RAB22A: variants seen among roughly 807,000 people sequenced by gnomAD.
RAB22A encodes the protein ras-related protein Rab-22A.
Under a neutral mutation model 30.2 loss-of-function variants are expected in RAB22A, and 13 were observed. That is an observed-to-expected ratio of 0.43 (90% CI 0.28 to 0.68). The LOEUF (loss-of-function observed/expected upper bound fraction) is 0.68. RAB22A is among the 30% of genes least tolerant of loss of function. The pLI, the probability that RAB22A is intolerant of heterozygous loss-of-function variation, is 0.18. For synonymous variants in RAB22A, 89 were observed against 87.2 expected (o/e 1.02, Z -0.11); for missense variants, 177 against 246.8 (o/e 0.72, Z 1.89).
Position 58,359,861 on chromosome 20 carries a change from T to A in RAB22A, c.*158T>A, listed in dbSNP as rs1362453621. On this transcript the variant is annotated 3_prime_UTR_variant, in exon 7 of 7. Transcript: ENST00000244040. ...TGGACCAGTTCTGTTCTCCAAAGAC[T>A]GCAGCAATGATATTTCAGTCTGTGA... 3 of 517,164 alleles carry A rather than the reference T, an allele frequency of 5.8e-6. No individual in the cohort carries two copies. Among genetic ancestry groups the A allele is most frequent in the African/African-American group, 2.0e-5 (1 of 51,178 alleles). 32.0% of individuals were successfully genotyped at this position (517,164 alleles called of 1,614,324 possible).
At position 58,333,895 on chromosome 20, in the gene RAB22A, A is replaced by T. The variant is rs1177581799; in HGVS notation, c.117-9823A>T. On this transcript the variant is annotated intron_variant, in intron 2 of 6. Transcript: ENST00000244040. ...GGCATAGCGAGACCCTGTCTCTACA[A>T]GAGAATGAAAAAATTAGCTGGATTT... Among the ~76,000 whole-genome samples, 8 of 152,198 alleles carry T rather than the reference A, an allele frequency of 5.3e-5. No homozygotes were observed. In the East Asian group the frequency reaches 1.5e-3, roughly 29 times the overall value.
chr20:58,332,734 A>G (rs1423591841), intron 2 of RAB22A, among the ~76,000 whole-genome samples: 1 of 152,168 alleles, frequency 6.6e-6, no homozygotes, highest in Admixed American at 6.5e-5. Context: ...GAAGTGATCA[A>G]TGTATAAATC....
rs912907064 is a variant in RAB22A at position 58,366,332 on chromosome 20, G to A, written c.*6629G>A. The A allele has an allele frequency of 6.6e-6, 1 of 152,168 alleles. No individual in the cohort carries two copies. The highest frequency in any genetic ancestry group is 1.5e-5 in the Non-Finnish European group (1 of 68,040). 9.4% of individuals were successfully genotyped at this position (152,168 alleles called of 1,614,324 possible). A position where few individuals can be genotyped will look rare whatever the true frequency, so the allele number is the denominator to read the frequency against. ...CACAGTCAGAAATGCGCAGGCCTGGGGTTGGGGATGAACAGAAGTTGATTA... is the reference window on the plus strand; with the variant it reads ...CACAGTCAGAAATGCGCAGGCCTGGAGTTGGGGATGAACAGAAGTTGATTA... On this transcript the variant is annotated 3_prime_UTR_variant, in exon 7 of 7. Coordinates refer to ENST00000244040, the MANE Select transcript of RAB22A (RefSeq NM_020673.3).
At chr20:58,330,870 T>A (rs565729842) in intron 2 of RAB22A, among the ~76,000 whole-genome samples, 2 of 152,352 alleles carry the variant, frequency 1.3e-5, no homozygotes, top group East Asian at 3.9e-4. Flanking sequence ...TCCATTGGAC[T>A]CCTTGGCATC....
Position 58,311,105 on chromosome 20 carries a change from C to T in RAB22A, c.99C>T (p.Asn33=), listed in dbSNP as rs1986216980. 3 of 1,595,108 alleles carry T rather than the reference C, an allele frequency of 1.9e-6. No individual in the cohort carries two copies. Among genetic ancestry groups the T allele is most frequent in the African/African-American group, 1.3e-5 (1 of 74,482 alleles). ...TTGTGGAAGACAGTTTTGATCCAAA[C>T]ATCAACCCAACAATAGGGTAAGAGA... ...WRFVEDSFDP[N]INPTIGASFM... Residue 33 remains asparagine, a synonymous_variant, in exon 2 of 7, where the codon AAC becomes AAT. Transcript: ENST00000244040.
chr20:58,335,947 C>A (rs1050720894), intron 2 of RAB22A, among the ~76,000 whole-genome samples: 1 of 152,124 alleles, frequency 6.6e-6, no homozygotes, highest in Non-Finnish European at 1.5e-5. Flanking sequence ...CTATCTTTGT[C>A]CAGGATCATT....
At chr20:58,346,656 T>C (rs1279971168) in intron 3 of RAB22A, among the ~76,000 whole-genome samples, 1 of 152,238 alleles carries the variant, frequency 6.6e-6, no homozygotes, top group African/African-American at 2.4e-5. Flanking sequence ...TAGATACCTG[T>C]CTACCTACCT....
chr20:58,341,256 A>G (rs929051763), intron 2 of RAB22A, among the ~76,000 whole-genome samples: 2 of 152,010 alleles, frequency 1.3e-5, no homozygotes, highest in South Asian at 4.1e-4. Flanking sequence ...AAAGGAGGAG[A>G]GAGAATGTGG....
chr20:58,335,362 A>C (rs576172198), intron 2 of RAB22A, among the ~76,000 whole-genome samples: 38 of 152,326 alleles, frequency 2.5e-4, no homozygotes, highest in Non-Finnish European at 4.6e-4. Context: ...CAAGGTTGGC[A>C]CTTGCAGCAT....
rs556193356 is a variant in RAB22A, at chr20:58,342,683, G to A, written c.117-1035G>A. Among the ~76,000 whole-genome samples, 3 of 151,686 alleles carry A rather than the reference G, an allele frequency of 2.0e-5. No individual in the cohort carries two copies. The South Asian group carries it at 6.2e-4, about 31-fold the overall frequency. On this transcript the variant is annotated intron_variant, in intron 2 of 6. Coordinates refer to ENST00000244040, the MANE Select transcript of RAB22A (RefSeq NM_020673.3). ...AAAAAAAAGTATAACTTCGTACTTG[G>A]TTCCAGAAGTCTTATTTTTCATTAG...
At chr20:58,352,495 C>A (rs1987068892) in intron 3 of RAB22A, among the ~76,000 whole-genome samples, 1 of 152,206 alleles carries the variant, frequency 6.6e-6, no homozygotes, top group Non-Finnish European at 1.5e-5. Flanking sequence ...GAGATGCTCA[C>A]ATAGGACGTG....
chr20:58,351,285 A>G (rs748204811), intron 3 of RAB22A, among the ~76,000 whole-genome samples: 1 of 151,948 alleles, frequency 6.6e-6, no homozygotes, highest in South Asian at 2.1e-4. Flanking sequence ...GCAGTGAGCC[A>G]AGAACACACC....
At chr20:58,313,199 T>C (rs2122920376) in intron 2 of RAB22A, among the ~76,000 whole-genome samples, 1 of 152,276 alleles carries the variant, frequency 6.6e-6, no homozygotes, top group Admixed American at 6.5e-5. Flanking sequence ...TGCCAGTAGC[T>C]CCCAATCTGC....
At chr20:58,359,090 G>T (rs1169572109) in intron 6 of RAB22A, among the ~76,000 whole-genome samples, 3 of 152,162 alleles carry the variant, frequency 2.0e-5, no homozygotes, top group African/African-American at 7.2e-5. Context: ...ATATGTCTCT[G>T]GAAGGCTACA....
chr20:58,358,104 G>A (rs1426190309), intron 6 of RAB22A, among the ~76,000 whole-genome samples: 3 of 152,188 alleles, frequency 2.0e-5, no homozygotes, highest in African/African-American at 7.2e-5. Context: ...TAGTGTCTGG[G>A]ATGTTACAGA....
intron 3 of RAB22A, among the ~76,000 whole-genome samples, chr20:58,350,567 A>G (rs565096360): frequency 1.3e-5 from 2 of 152,362 alleles, no homozygotes; most frequent in African/African-American, 2.4e-5. Flanking sequence ...CGTAAACAGG[A>G]GAACAACAAT....
rs753198396 is a variant in RAB22A at position 58,363,604 on chromosome 20, TG to T, written c.*3902del. 3 of 152,216 alleles carry T rather than the reference TG, an allele frequency of 2.0e-5. No individual in the cohort carries two copies. The highest frequency in any genetic ancestry group is 4.4e-5 in the Non-Finnish European group (3 of 68,042). 9.4% of individuals were successfully genotyped at this position (152,216 alleles called of 1,614,324 possible). On this transcript the variant is annotated 3_prime_UTR_variant, in exon 7 of 7. Transcript: ENST00000244040. ...AGTGACAAACTAGATAGTGAACCTG[TG>T]AAAGTCATTATTTACATTTGCTTTA...
chr20:58,330,155 G>A (rs187167458), intron 2 of RAB22A, among the ~76,000 whole-genome samples: 107 of 152,196 alleles, frequency 7.0e-4, no homozygotes, highest in African/African-American at 2.4e-3. Flanking sequence ...TACAACAGTT[G>A]TGAGTATTTG....
chr20:58,340,588 G>A (rs514549), intron 2 of RAB22A, among the ~76,000 whole-genome samples: 18,967 of 152,226 alleles, frequency 0.12, 1,521 homozygotes, highest in Non-Finnish European at 0.18. Context: ...AGGATAGCAA[G>A]GAGATGGAGA....
Sources: gnomAD v4.1 joint callset for allele counts (sites outside exome capture counted in the v4.1 genomes callset) on GRCh38, gnomAD v4.1.1 for gene constraint, MANE v1.5 for transcripts, NCBI Gene and HGNC (gene_info 2026-07-23, HGNC 2026-07-21) for gene names.